Variants in SEMA4G observed in about 807,000 individuals in gnomAD.
The protein encoded by SEMA4G is semaphorin 4G, also known as semaphorin-4G.
In SEMA4G, 59 loss-of-function variants were observed where a neutral mutation model predicts 81.2. The ratio of observed to expected loss-of-function variants is 0.73; its 90% CI spans 0.59 to 0.90. The LOEUF (loss-of-function observed/expected upper bound fraction) is 0.90. SEMA4G is among the 40% of genes least tolerant of loss of function. SEMA4G has a pLI of 0.00. For missense variants in SEMA4G, 952 were observed against 1,102.3 expected, an observed-to-expected ratio of 0.86 and a Z score of 1.93; for synonymous variants, 404 against 433.9, an observed-to-expected ratio of 0.93 and a Z score of 0.86.
chr10:100,970,288 T>C (rs1850593542), upstream of SEMA4G, among the ~76,000 whole-genome samples: 1 of 151,996 alleles, frequency 6.6e-6, no homozygotes, highest in Non-Finnish European at 1.5e-5. Flanking sequence ...AGGGGTGATA[T>C]GCTCCGCCCC....
chr10:100,981,056 T>C (rs1851046560), intron 12 of SEMA4G, 59 bp downstream of exon 13: 1 of 1,599,080 alleles, frequency 6.3e-7, no homozygotes, highest in African/African-American at 1.3e-5. Flanking sequence ...GAAGGCCTGA[T>C]AGCTACTGGG....
In SEMA4G at chr10:100,973,421, T is replaced by A; in HGVS notation, c.274-126T>A. 7.2e-7 allele frequency: 1 copy of A among 1,395,224 alleles called. No individual in the cohort carries two copies. Among genetic ancestry groups the A allele is most frequent in the Non-Finnish European group, 9.9e-7 (1 of 1,007,184 alleles). The allele number at this position is 1,395,224 out of a possible 1,614,324, so 86.4% of individuals were successfully genotyped here. ...CTTCCCAGCCCAGGTGTTCCTTGCA[T>A]TCAGTGTTCCTCCTGAAATTGATCC... On this transcript the variant is annotated intron_variant, in intron 2 of 13. Coordinates refer to ENST00000370250, the Ensembl canonical transcript of SEMA4G. This position sits in a 1 kb window ranked among gnomAD's most constrained non-coding sequence, Gnocchi z 5.5.
rs369215517 is a variant in SEMA4G, at chr10:100,977,746, T to C, written c.435+16T>C. The C allele has an allele frequency of 6.9e-6, 11 of 1,591,880 alleles. No homozygotes were observed. In the African/African-American group the frequency reaches 1.5e-4, roughly 21 times the overall value. ...TGCAGCCATTGTGAGTATACCTGTGTTGTGCCAGATCTCTGTTGACTTCAT... is the reference window on the plus strand; with the variant it reads ...TGCAGCCATTGTGAGTATACCTGTGCTGTGCCAGATCTCTGTTGACTTCAT... On this transcript the variant is annotated intron_variant, in intron 4 of 13. Transcript: ENST00000370250.
chr10:100,983,530 T>C, exon 14 of SEMA4G: 4 of 1,614,106 alleles, frequency 2.5e-6, no homozygotes, highest in Non-Finnish European at 3.4e-6. Context: ...GAAAATGGCC[T>C]CCGCACCCTG....
exon 12 of SEMA4G, chr10:100,980,914 C>T: frequency 6.2e-7 from 1 of 1,612,468 alleles, no homozygotes. Flanking sequence ...GCATCTTGGC[C>T]CGAGACCCCT....
chr10:100,978,842 C>G lies in SEMA4G; in HGVS notation c.644-7C>G. 1 of 1,612,512 alleles carries G rather than the reference C, an allele frequency of 6.2e-7. No homozygotes were observed. Among genetic ancestry groups the G allele is most frequent in the Non-Finnish European group, 8.5e-7 (1 of 1,178,746 alleles). The stretch of plus-strand genomic sequence containing the variant: ...CTCAAAAGCCTCTCAAACTGCCTGA[C>G]CCACAGATGCGGAGTTTGTGTTCTC... On this transcript the variant is annotated splice_polypyrimidine_tract_variant and splice_region_variant and intron_variant, in intron 6 of 13. Transcript: ENST00000370250.
At chr10:100,970,189 G>T (rs907062968), upstream of SEMA4G, among the ~76,000 whole-genome samples, 2 of 152,080 alleles carry the variant, frequency 1.3e-5, no homozygotes, top group Non-Finnish European at 2.9e-5. Flanking sequence ...CAGGGGGCTG[G>T]CCCTGGGGAA....
chr10:100,975,454 T>A (rs1395008005), intron 3 of SEMA4G, among the ~76,000 whole-genome samples: 1 of 152,224 alleles, frequency 6.6e-6, no homozygotes, highest in Non-Finnish European at 1.5e-5. Flanking sequence ...AGTCCCACAA[T>A]GCACAGCAAC....
downstream of SEMA4G, chr10:100,984,878 A>G (rs1851356441): frequency 2.0e-6 from 3 of 1,478,506 alleles, no homozygotes; most frequent in East Asian, 5.0e-5. Flanking sequence ...CTCCTTGGTC[A>G]TTCTCAAGAG....
At chr10:100,977,663 A>T (rs1259506525) in exon 4 of SEMA4G, 1 of 1,614,040 alleles carries the variant, frequency 6.2e-7, no homozygotes, top group Non-Finnish European at 8.5e-7. Flanking sequence ...CGGTTCCTGC[A>T]GCGGCTCAAT....
chr10:100,983,578 C>T, exon 14 of SEMA4G: 2 of 1,614,012 alleles, frequency 1.2e-6, no homozygotes, highest in Non-Finnish European at 1.7e-6. Context: ...CCAGCCACTC[C>T]TGCCCCAGCT....
Position 100,983,851 on chromosome 10 carries a change from C to CT in SEMA4G, c.2238dup (p.Gly747TrpfsTer30). ...GAAGATGAGGGTGATGATGAGGGGG[C>CT]TGGGGGCCTGGAGGGCAGCTGTCTC... is the stretch of plus-strand genomic sequence containing the variant. On this transcript the variant is annotated frameshift_variant, in exon 14 of 14. Transcript: ENST00000370250. LOFTEE classifies it high-confidence loss of function. The CT allele has an allele frequency of 6.3e-7, 1 of 1,587,274 alleles. No homozygotes were observed. The highest frequency in any genetic ancestry group is 8.6e-7 in the Non-Finnish European group (1 of 1,166,954).
chr10:100,980,899 T>C, exon 12 of SEMA4G: 1 of 1,612,714 alleles, frequency 6.2e-7, no homozygotes, highest in Non-Finnish European at 8.5e-7. Context: ...GATCCTGCTA[T>C]GACTGCATCT....
chr10:100,973,634 C>G lies in SEMA4G; in HGVS notation c.336+25C>G, dbSNP rs772916561. Reference sequence around the variant, plus strand: ...GGTATGTGGTCTGCCCTGTCCCCAGCTCCTTTCCTCCCCTTCTTCCTCAAT... The same window carrying G: ...GGTATGTGGTCTGCCCTGTCCCCAGGTCCTTTCCTCCCCTTCTTCCTCAAT... On this transcript the variant is annotated intron_variant, in intron 3 of 13. Transcript: ENST00000370250. The surrounding 1 kb of genome is among the most constrained non-coding windows in gnomAD (Gnocchi z 5.5). 47 of 1,608,188 alleles carry G rather than the reference C, an allele frequency of 2.9e-5. No homozygotes were observed. In the East Asian group the frequency reaches 1.0e-3, roughly 36 times the overall value.
chr10:100,983,252 T>C (rs1851204143), intron 13 of SEMA4G, 53 bp from the exon 15 acceptor site: 1 of 1,468,382 alleles, frequency 6.8e-7, no homozygotes, highest in Non-Finnish European at 9.0e-7. Flanking sequence ...GCTTGCCATC[T>C]CTAATCCCTT....
rs372200413 is a variant in SEMA4G, at chr10:100,977,602, G to A, written c.337-30G>A. On this transcript the variant is annotated intron_variant, in intron 3 of 13. Transcript: ENST00000370250. ...GAGGAGGCTTCTAGTCAGGCAGGGGGCTCACAGCCCTCTCCACCTCATCCC... is the reference window on the plus strand; with the variant it reads ...GAGGAGGCTTCTAGTCAGGCAGGGGACTCACAGCCCTCTCCACCTCATCCC... 52 of 1,578,066 alleles carry A rather than the reference G, an allele frequency of 3.3e-5. No homozygotes were observed. In the African/African-American group the frequency reaches 5.7e-4, roughly 17 times the overall value.
Position 100,973,267 on chromosome 10 carries a change from C to A in SEMA4G, c.263C>A (p.Ala88Asp). The A allele has an allele frequency of 6.2e-7, 1 of 1,613,016 alleles. No individual in the cohort carries two copies. The highest frequency in any genetic ancestry group is 8.5e-7 in the Non-Finnish European group (1 of 1,180,034). The change falls in exon 2 of 14, where the codon GCT (alanine) becomes GAT (aspartate). Residue 88 changes from alanine (A) to aspartate (D), a missense_variant. By Grantham distance (126) the Ala-to-Asp change is moderately radical. Transcript: ENST00000370250. The surrounding 1 kb of genome is among the most constrained non-coding windows in gnomAD (Gnocchi z 5.5). The stretch of plus-strand genomic sequence containing the variant: ...AGTGCCAACGACATAGGAGATGGGG[C>A]TCACAAAGAGGTCAGGCCCTGGAAC...
chr10:100,981,553 GAACAA>G, intron 13 of SEMA4G: 1 of 1,613,712 alleles, frequency 6.2e-7, no homozygotes, highest in Non-Finnish European at 8.5e-7. Context: ...TCTGAAGAAA[GAACAA>G]AAGTTAATCA....
chr10:100,983,477 T>C, exon 14 of SEMA4G: 5 of 1,614,204 alleles, frequency 3.1e-6, no homozygotes, highest in Non-Finnish European at 4.2e-6. Flanking sequence ...TGGTTACAGA[T>C]GCACAGCCTG....
Sources: allele counts gnomAD v4.1 joint callset (sites outside exome capture counted in the v4.1 genomes callset), GRCh38; gene constraint gnomAD v4.1.1; non-coding constraint Gnocchi (gnomAD v3.1); transcripts MANE v1.5; gene names NCBI Gene and HGNC (gene_info 2026-07-23, HGNC 2026-07-21).